PLEKHH2: variants seen among roughly 807,000 people sequenced by gnomAD.
The protein encoded by PLEKHH2 is pleckstrin homology domain-containing family H member 2.
In PLEKHH2, 129 loss-of-function variants were observed where a neutral mutation model predicts 187.9. The ratio of observed to expected loss-of-function variants is 0.69; its 90% CI spans 0.59 to 0.79. The LOEUF (loss-of-function observed/expected upper bound fraction) is 0.79, where lower values mean the gene tolerates loss of function less well. PLEKHH2 is among the 30% of genes least tolerant of loss of function. The pLI, the probability that PLEKHH2 is intolerant of heterozygous loss-of-function variation, is 0.00. For synonymous variants in PLEKHH2, 686 were observed against 605.6 expected, an observed-to-expected ratio of 1.13 and a Z score of -1.95; for missense variants, 2,076 against 1,751.2, an observed-to-expected ratio of 1.19 and a Z score of -3.31.
chr2:43,710,892 T>G (rs1669932432), intron 14 of PLEKHH2: 5 of 1,107,004 alleles, frequency 4.5e-6, no homozygotes, highest in Non-Finnish European at 5.5e-6. Flanking sequence ...ATCTGGTAAA[T>G]GAATTCTCAA....
Position 43,765,883 on chromosome 2 carries a change from T to C in PLEKHH2, c.*285T>C, listed in dbSNP as rs550309548. 1 of 314,524 alleles carries C rather than the reference T, an allele frequency of 3.2e-6. No homozygotes were observed. Among genetic ancestry groups the C allele is most frequent in the African/African-American group, 2.1e-5 (1 of 46,888 alleles). 19.5% of individuals were successfully genotyped at this position (314,524 alleles called of 1,614,324 possible). A position where few individuals can be genotyped will look rare whatever the true frequency, so the allele number is the denominator to read the frequency against. On this transcript the variant is annotated 3_prime_UTR_variant, in exon 30 of 30. Coordinates refer to ENST00000282406, the MANE Select transcript of PLEKHH2 (RefSeq NM_172069.4). ...TTCTCCCTTGTCATCAGACACATTGTGCAATGTGGCTTTTCTTTTCTTTTC... is the reference window on the plus strand; with the variant it reads ...TTCTCCCTTGTCATCAGACACATTGCGCAATGTGGCTTTTCTTTTCTTTTC...
chr2:43,761,506 G>A lies in PLEKHH2; in HGVS notation c.4072-798G>A, dbSNP rs1371436833. 2.0e-5 allele frequency among the ~76,000 whole-genome samples: 3 copies of A among 150,458 alleles called. No individual in the cohort carries two copies. In the East Asian group the frequency reaches 5.9e-4, roughly 29 times the overall value. On this transcript the variant is annotated intron_variant, in intron 27 of 29. Transcript: ENST00000282406. ...GCTCACTGCAGCCTGCGCCTCCCAG[G>A]TTCCAGCTGTTCTCCTGTCTCAGCC...
intron 19 of PLEKHH2, among the ~76,000 whole-genome samples, chr2:43,736,689 C>T (rs1302245369): frequency 6.6e-6 from 1 of 152,032 alleles, no homozygotes; most frequent in Non-Finnish European, 1.5e-5. Context: ...AAAAAATTAG[C>T]GAGTTGTGGT....
intron 15 of PLEKHH2, among the ~76,000 whole-genome samples, chr2:43,714,196 CCCA>C (rs1389405383): frequency 5.9e-5 from 9 of 152,150 alleles, no homozygotes; most frequent in Admixed American, 6.6e-5. Flanking sequence ...TATTACTTCC[CCCA>C]CAATTAGGAT....
In PLEKHH2 at chr2:43,758,958, G is replaced by A; in HGVS notation, c.4000G>A (p.Asp1334Asn). ...GGCCCTCCGGGGACACAGTGCTGCT[G>A]ACTGTGTGCGCATTTATTTGACAGT... is the stretch of plus-strand genomic sequence containing the variant. Reference protein sequence around the residue: ...WMALRGHSAADCVRIYLTVAR... With the variant: ...WMALRGHSAANCVRIYLTVAR... The change falls in exon 27 of 30, where the codon GAC (aspartate) becomes AAC (asparagine). Residue 1334 changes from aspartate to asparagine, a missense_variant. Transcript: ENST00000282406. 6.2e-7 allele frequency: 1 copy of A among 1,612,252 alleles called. No homozygotes were observed.
In PLEKHH2 at chr2:43,693,723, C is replaced by CAAAAAAAAAAAAAAA. The variant is rs70965316; in HGVS notation, c.337-705_337-691dup. On this transcript the variant is annotated intron_variant, in intron 4 of 29. Coordinates refer to ENST00000282406, the MANE Select transcript of PLEKHH2 (RefSeq NM_172069.4). ...TGGGCGACTGAGCGAGACTCCATCT[C>CAAAAAAAAAAAAAAA]AAAAAAAAAAAAAAAAAGGAAAAAA... Among the ~76,000 whole-genome samples, 52 of 69,630 alleles carry CAAAAAAAAAAAAAAA rather than the reference C, an allele frequency of 7.5e-4. 2 individuals carry two copies. The highest frequency in any genetic ancestry group is 2.7e-3 in the African/African-American group (41 of 15,058). The allele number at this position is 69,630 out of a possible 152,430, so 45.7% of individuals were successfully genotyped here. A position where few individuals can be genotyped will look rare whatever the true frequency, so the allele number is the denominator to read the frequency against.
At chr2:43,646,581 C>T (rs1408886373) in intron 2 of PLEKHH2, among the ~76,000 whole-genome samples, 2 of 152,146 alleles carry the variant, frequency 1.3e-5, no homozygotes, top group African/African-American at 4.8e-5. Flanking sequence ...TTTATGGCAA[C>T]ATTTGTTCTG....
rs536517744 is a variant in PLEKHH2 at position 43,659,778 on chromosome 2, C to T, written c.123+14982C>T. 9.0e-4 allele frequency among the ~76,000 whole-genome samples: 137 copies of T among 152,058 alleles called. 1 individual carries two copies. Among genetic ancestry groups the T allele is most frequent in the African/African-American group, 3.1e-3 (130 of 41,482 alleles). ...TTGACCCTGTTGGCCAGGCTGGTCTCGAACTCCTGACCTCAAGTGATCCGC... is the reference window on the plus strand; with the variant it reads ...TTGACCCTGTTGGCCAGGCTGGTCTTGAACTCCTGACCTCAAGTGATCCGC... On this transcript the variant is annotated intron_variant, in intron 2 of 29. Coordinates refer to ENST00000282406, the MANE Select transcript of PLEKHH2 (RefSeq NM_172069.4).
At chr2:43,703,665 G>T (rs1669501440) in intron 8 of PLEKHH2, among the ~76,000 whole-genome samples, 3 of 152,032 alleles carry the variant, frequency 2.0e-5, no homozygotes, top group Admixed American at 1.3e-4. Context: ...TATTAAAGGT[G>T]GTGTTTATGT....
chr2:43,683,311 G>C lies in PLEKHH2; in HGVS notation c.186+4386G>C, dbSNP rs185804655. On this transcript the variant is annotated intron_variant, in intron 3 of 29. Coordinates refer to ENST00000282406, the MANE Select transcript of PLEKHH2 (RefSeq NM_172069.4). ...CAGGCATCCACGCCTAGCTCATTTT[G>C]TATTTTTAGTAGAGATGGGATTTCT... is the stretch of plus-strand genomic sequence containing the variant. Among the ~76,000 whole-genome samples the C allele has an allele frequency of 4.3e-3, 653 of 151,864 alleles. 5 individuals are homozygous for C. The highest frequency in any genetic ancestry group is 0.015 in the African/African-American group (603 of 41,430).
At chr2:43,724,313 C>G (rs1670633361) in intron 16 of PLEKHH2, among the ~76,000 whole-genome samples, 1 of 152,174 alleles carries the variant, frequency 6.6e-6, no homozygotes, top group African/African-American at 2.4e-5. Context: ...GCACTGAGCC[C>G]TGAAACTTAG....
rs34664734 is a variant in PLEKHH2 at position 43,701,767 on chromosome 2, A to ATT, written c.1650+1175_1650+1176dup. 7.7e-3 allele frequency among the ~76,000 whole-genome samples: 1,014 copies of ATT among 130,922 alleles called. 19 individuals are homozygous for ATT. Among genetic ancestry groups the ATT allele is most frequent in the African/African-American group, 0.021 (739 of 34,456 alleles). 85.9% of individuals were successfully genotyped at this position (130,922 alleles called of 152,430 possible). A position where few individuals can be genotyped will look rare whatever the true frequency, so the allele number is the denominator to read the frequency against. The stretch of plus-strand genomic sequence containing the variant: ...AAATGAAATGATCTGTTTAATTTTA[A>ATT]TTTTTTTTTTTTTTTTTGAGATGAA... On this transcript the variant is annotated intron_variant, in intron 8 of 29. Coordinates refer to ENST00000282406, the MANE Select transcript of PLEKHH2 (RefSeq NM_172069.4).
intron 1 of PLEKHH2, among the ~76,000 whole-genome samples, chr2:43,641,540 G>A (rs570846063): frequency 6.6e-6 from 1 of 151,886 alleles, no homozygotes; most frequent in Non-Finnish European, 1.5e-5. Context: ...TAGTGTTAGT[G>A]TATTTTATGT....
chr2:43,749,394 C>T (rs1671916740), intron 24 of PLEKHH2, among the ~76,000 whole-genome samples: 1 of 152,182 alleles, frequency 6.6e-6, no homozygotes, highest in Non-Finnish European at 1.5e-5. Flanking sequence ...ATTGAAGTCT[C>T]AGCCTCCGTA....
intron 7 of PLEKHH2, 76 bp from the exon 8 acceptor site, chr2:43,699,571 T>A: frequency 6.7e-7 from 1 of 1,500,790 alleles, no homozygotes; most frequent in Non-Finnish European, 9.0e-7. Context: ...TTCTACAGTG[T>A]AGCTACATAA....
chr2:43,704,307 C>G (rs1271496043), intron 9 of PLEKHH2, among the ~76,000 whole-genome samples: 1 of 152,008 alleles, frequency 6.6e-6, no homozygotes, highest in Non-Finnish European at 1.5e-5. Flanking sequence ...TGAAAAAGTT[C>G]TAGAGGTCTG....
At chr2:43,726,062 G>C (rs1670726006) in intron 16 of PLEKHH2, among the ~76,000 whole-genome samples, 1 of 150,742 alleles carries the variant, frequency 6.6e-6, no homozygotes. Flanking sequence ...AGGTTACAGT[G>C]AGGTTACTGA....
At position 43,726,391 on chromosome 2, in the gene PLEKHH2, C is replaced by T. The variant is rs139893812; in HGVS notation, c.2661C>T (p.Ile887=). The T allele has an allele frequency of 5.7e-5, 92 of 1,611,280 alleles. No individual in the cohort carries two copies. The African/African-American group carries it at 8.8e-4, about 15-fold the overall frequency. ...GTCTGTTATCCACACATTATACTAT[C>T]GTTATCCATCCCAAAGACCAAGGTC... ...GRSLLSTHYT[I]VIHPKDQGPT... Residue 887 remains isoleucine, a synonymous_variant, in exon 17 of 30, where the codon ATC becomes ATT. Coordinates refer to ENST00000282406, the MANE Select transcript of PLEKHH2 (RefSeq NM_172069.4).
intron 3 of PLEKHH2, among the ~76,000 whole-genome samples, chr2:43,691,713 A>T (rs569011845): frequency 6.6e-6 from 1 of 152,086 alleles, no homozygotes. Flanking sequence ...TATATTTGTG[A>T]TCTCTCTTAC....
Sources: allele counts gnomAD v4.1 joint callset (sites outside exome capture counted in the v4.1 genomes callset), GRCh38; gene constraint gnomAD v4.1.1; transcripts MANE v1.5; gene names NCBI Gene and HGNC (gene_info 2026-07-23, HGNC 2026-07-21).